Variants in POU6F2 observed in about 807,000 individuals in gnomAD.
POU6F2 encodes POU class 6 homeobox 2.
Under a neutral mutation model 71.3 loss-of-function variants are expected in POU6F2, and 31 were observed. That is an observed-to-expected ratio of 0.43 (90% CI 0.33 to 0.59). POU6F2 has a LOEUF of 0.59. POU6F2 is among the 20% of genes least tolerant of loss of function. POU6F2 has a pLI of 0.04. For missense variants in POU6F2, 783 were observed against 856.8 expected (o/e 0.91, Z 1.07); for synonymous variants, 347 against 355.7 (o/e 0.98, Z 0.27).
At chr7:39,423,460 C>G (rs1198953168) in intron 6 of POU6F2, among the ~76,000 whole-genome samples, 1 of 152,068 alleles carries the variant, frequency 6.6e-6, no homozygotes, top group Non-Finnish European at 1.5e-5. Context: ...AGGAGGCCCT[C>G]AGAAAGGATT....
intron 4 of POU6F2, among the ~76,000 whole-genome samples, chr7:39,336,467 G>A (rs1785780269): frequency 6.6e-6 from 1 of 152,116 alleles, no homozygotes; most frequent in South Asian, 2.1e-4. Flanking sequence ...TTTTTCCTTG[G>A]TGTTCTTTCT....
At chr7:39,145,929 G>A (rs1584566722) in intron 2 of POU6F2, among the ~76,000 whole-genome samples, 2 of 152,156 alleles carry the variant, frequency 1.3e-5, no homozygotes, top group Non-Finnish European at 2.9e-5. Context: ...ATTTAAAATA[G>A]GTAGAGGAGG....
intron 6 of POU6F2, among the ~76,000 whole-genome samples, chr7:39,425,787 C>A (rs1374335935): frequency 6.6e-6 from 1 of 152,130 alleles, no homozygotes; most frequent in East Asian, 1.9e-4. Flanking sequence ...TGACAAAGTC[C>A]TGATGCTCAT....
chr7:39,038,877 G>C (rs963394976), intron 1 of POU6F2, among the ~76,000 whole-genome samples: 1 of 151,866 alleles, frequency 6.6e-6, no homozygotes, highest in African/African-American at 2.4e-5. Context: ...TCTTACCCCA[G>C]TATCTCCTTC....
At chr7:39,443,735 G>T (rs1172751702) in intron 7 of POU6F2, among the ~76,000 whole-genome samples, 1 of 152,166 alleles carries the variant, frequency 6.6e-6, no homozygotes. Flanking sequence ...AAGGTATAAG[G>T]ATAGTGGTCT....
chr7:39,349,630 G>A (rs1786101630), intron 5 of POU6F2, among the ~76,000 whole-genome samples: 1 of 152,156 alleles, frequency 6.6e-6, no homozygotes, highest in African/African-American at 2.4e-5. Context: ...TGTATGGTAA[G>A]CCAGGACTAA....
At chr7:39,351,331 A>C (rs1786135976) in intron 5 of POU6F2, among the ~76,000 whole-genome samples, 1 of 152,184 alleles carries the variant, frequency 6.6e-6, no homozygotes, top group Non-Finnish European at 1.5e-5. Flanking sequence ...CCAGATTCAC[A>C]GCCCATCAGG....
intron 4 of POU6F2, among the ~76,000 whole-genome samples, chr7:39,222,155 C>G (rs1219646228): frequency 6.6e-6 from 1 of 152,178 alleles, no homozygotes; most frequent in African/African-American, 2.4e-5. Context: ...TGCTAGACCA[C>G]AACATCAGAC....
intron 4 of POU6F2, among the ~76,000 whole-genome samples, chr7:39,276,551 G>C (rs1784443325): frequency 6.6e-6 from 1 of 150,732 alleles, no homozygotes. Flanking sequence ...CCCATTACTG[G>C]GTATATACCC....
At chr7:39,083,943 C>T (rs1240558961) in intron 1 of POU6F2, 3 of 152,078 alleles carry the variant, frequency 2.0e-5, no homozygotes, top group African/African-American at 7.2e-5. Flanking sequence ...CATGTTGGTT[C>T]TTAAGCTGGG....
chr7:39,032,699 C>T (rs1226837798), intron 1 of POU6F2, among the ~76,000 whole-genome samples: 2 of 152,200 alleles, frequency 1.3e-5, no homozygotes, highest in African/African-American at 4.8e-5. Flanking sequence ...TATTGCAGGA[C>T]ACATGATGTT....
rs1424770840 is a variant in POU6F2 at position 39,454,503 on chromosome 7, C to T, written c.1489+2802C>T. Among the ~76,000 whole-genome samples the T allele has an allele frequency of 3.3e-5, 5 of 150,908 alleles. No individual in the cohort carries two copies. The East Asian group carries it at 9.8e-4, about 29-fold the overall frequency. On this transcript the variant is annotated intron_variant, in intron 8 of 9. Transcript: ENST00000518318. ...TTAGAACAAAAGATGTTCCTATCAT[C>T]CAGGACATTCCAAAGGATTTAGGAA...
intron 2 of POU6F2, among the ~76,000 whole-genome samples, chr7:39,177,511 C>G (rs992119922): frequency 6.6e-6 from 1 of 152,196 alleles, no homozygotes; most frequent in African/African-American, 2.4e-5. Context: ...AAGAAAAATG[C>G]CTTCTGAGAT....
At chr7:38,995,971 T>C (rs1188924024) in intron 1 of POU6F2, among the ~76,000 whole-genome samples, 3 of 151,806 alleles carry the variant, frequency 2.0e-5, no homozygotes, top group African/African-American at 7.3e-5. Flanking sequence ...TGCTCATCCA[T>C]CTTTGCCTTT....
At chr7:39,335,967 C>A (rs890304245) in intron 4 of POU6F2, among the ~76,000 whole-genome samples, 5 of 152,164 alleles carry the variant, frequency 3.3e-5, no homozygotes, top group African/African-American at 1.2e-4. Flanking sequence ...TCCAACAGGA[C>A]AGCCCTTGCT....
chr7:39,298,278 TAA>T (rs1376579028), intron 4 of POU6F2, among the ~76,000 whole-genome samples: 1 of 152,182 alleles, frequency 6.6e-6, no homozygotes, highest in African/African-American at 2.4e-5. Context: ...GACAAAGGTC[TAA>T]TATCCAGAAT....
intron 7 of POU6F2, among the ~76,000 whole-genome samples, chr7:39,434,901 G>A (rs1256447092): frequency 5.9e-5 from 9 of 152,072 alleles, no homozygotes; most frequent in Non-Finnish European, 1.2e-4. Context: ...TTCTTTTCCT[G>A]TGTTAGTTTG....
intron 2 of POU6F2, among the ~76,000 whole-genome samples, chr7:39,185,014 C>T (rs1014034482): frequency 1.2e-4 from 19 of 152,204 alleles, no homozygotes; most frequent in African/African-American, 4.3e-4. Context: ...TATTTGTATA[C>T]GGAAGACTCA....
intron 1 of POU6F2, among the ~76,000 whole-genome samples, chr7:39,030,849 C>T (rs1789925057): frequency 1.3e-5 from 2 of 151,000 alleles, no homozygotes; most frequent in African/African-American, 4.9e-5. Flanking sequence ...TCATATCCTC[C>T]TGCCCCCCCC....
Sources: allele counts gnomAD v4.1 joint callset (sites outside exome capture counted in the v4.1 genomes callset), GRCh38; gene constraint gnomAD v4.1.1; transcripts MANE v1.5; gene names NCBI Gene and HGNC (gene_info 2026-07-23, HGNC 2026-07-21).